DNAJC15: variants seen among roughly 807,000 people sequenced by gnomAD.
DNAJC15 encodes DnaJ heat shock protein family (Hsp40) member C15, also known as dnaJ homolog subfamily C member 15.
A neutral mutation model predicts 22.4 loss-of-function variants in DNAJC15; 27 were observed. The observed-to-expected ratio is 1.20, with a 90% confidence interval of 0.89 to 1.66. DNAJC15 has a LOEUF of 1.66. Ranked by LOEUF, DNAJC15 falls within the 40% of genes most tolerant of loss-of-function variation. The probability of loss-of-function intolerance (pLI) is 0.00; values close to 1 mark genes in which losing one functional copy is unlikely to be tolerated. For synonymous variants in DNAJC15, 79 were observed against 63.2 expected, an observed-to-expected ratio of 1.25 and a Z score of -1.19; for missense variants, 208 against 187.1, an observed-to-expected ratio of 1.11 and a Z score of -0.65.
At chr13:43,052,849 A>G (rs968229258) in intron 1 of DNAJC15, among the ~76,000 whole-genome samples, 9 of 152,192 alleles carry the variant, frequency 5.9e-5, no homozygotes, top group South Asian at 2.1e-4. Context: ...TGGGTTGTTT[A>G]TTCTGCTGAT....
intron 5 of DNAJC15, among the ~76,000 whole-genome samples, chr13:43,096,167 T>C (rs1343132567): frequency 6.6e-6 from 1 of 152,202 alleles, no homozygotes; most frequent in East Asian, 1.9e-4. Flanking sequence ...AAGTCAATTG[T>C]ATAACTGTGG....
intron 5 of DNAJC15, among the ~76,000 whole-genome samples, chr13:43,089,253 C>T (rs955157674): frequency 6.6e-6 from 1 of 152,164 alleles, no homozygotes; most frequent in Admixed American, 6.5e-5. Flanking sequence ...TTATTTAGCA[C>T]CTACTATGTG....
At chr13:43,098,870 A>G (rs1349348722) in intron 5 of DNAJC15, among the ~76,000 whole-genome samples, 3 of 152,140 alleles carry the variant, frequency 2.0e-5, no homozygotes, top group Non-Finnish European at 4.4e-5. Flanking sequence ...TTTGGCTATT[A>G]TGGTCCTTCC....
chr13:43,098,994 A>AT (rs1367321199), intron 5 of DNAJC15, among the ~76,000 whole-genome samples: 2 of 152,156 alleles, frequency 1.3e-5, no homozygotes, highest in African/African-American at 4.8e-5. Flanking sequence ...GAATTTTGCC[A>AT]TTTTAACAGT....
At chr13:43,096,341 A>G (rs1031232891) in intron 5 of DNAJC15, among the ~76,000 whole-genome samples, 9 of 152,192 alleles carry the variant, frequency 5.9e-5, no homozygotes, top group African/African-American at 2.2e-4. Context: ...TATTACTGCA[A>G]TCCTCTATTT....
At chr13:43,091,871 C>T (rs983303871) in intron 5 of DNAJC15, among the ~76,000 whole-genome samples, 1 of 152,056 alleles carries the variant, frequency 6.6e-6, no homozygotes, top group African/African-American at 2.4e-5. Context: ...TGATTGCTAG[C>T]TTAATTCCAT....
At chr13:43,061,632 G>A (rs73473983) in intron 1 of DNAJC15, among the ~76,000 whole-genome samples, 6,444 of 152,274 alleles carry the variant, frequency 0.042, 478 homozygotes, top group African/African-American at 0.15. Flanking sequence ...TTCAAATGGC[G>A]GAAAGCAGTA....
At chr13:43,090,977 T>A (rs1376718826) in intron 5 of DNAJC15, among the ~76,000 whole-genome samples, 1 of 152,070 alleles carries the variant, frequency 6.6e-6, no homozygotes, top group Non-Finnish European at 1.5e-5. Flanking sequence ...GAGATTAGTC[T>A]TATTTCTAGG....
chr13:43,031,324 G>A lies in DNAJC15; in HGVS notation c.108+7590G>A, dbSNP rs186710096. Among the ~76,000 whole-genome samples the A allele has an allele frequency of 1.1e-4, 17 of 152,340 alleles. No homozygotes were observed. In the East Asian group the frequency reaches 3.1e-3, roughly 28 times the overall value. On this transcript the variant is annotated intron_variant, in intron 1 of 5. Transcript: ENST00000379221. ...ACAACTGTAGATAGCTCCAAATGGC[G>A]GGTTAAGGAATGTGTGGACTAAATT...
At chr13:43,091,318 C>T (rs750376233) in intron 5 of DNAJC15, among the ~76,000 whole-genome samples, 13 of 152,114 alleles carry the variant, frequency 8.5e-5, no homozygotes, top group Non-Finnish European at 5.9e-5. Flanking sequence ...GAACTCCTGA[C>T]GTCAGGTGTT....
intron 1 of DNAJC15, among the ~76,000 whole-genome samples, chr13:43,035,997 G>A (rs1015150254): frequency 6.6e-6 from 1 of 152,078 alleles, no homozygotes; most frequent in Non-Finnish European, 1.5e-5. Context: ...AAAGTGCTGG[G>A]ATTACATGTG....
rs546544132 is a variant in DNAJC15 at position 43,083,204 on chromosome 13, G to A, written c.312-2564G>A. ...TTTTTTTGAGACGGAGTCTTGCTCT[G>A]TCACCCAGGCTGGAGTGCAGTGGCG... On this transcript the variant is annotated intron_variant, in intron 4 of 5. Coordinates refer to ENST00000379221, the MANE Select transcript of DNAJC15 (RefSeq NM_013238.3). Among the ~76,000 whole-genome samples the A allele has an allele frequency of 2.0e-5, 3 of 151,834 alleles. No homozygotes were observed. The East Asian group carries it at 5.8e-4, about 29-fold the overall frequency.
intron 4 of DNAJC15, among the ~76,000 whole-genome samples, chr13:43,082,708 T>C (rs2040667608): frequency 6.6e-6 from 1 of 152,122 alleles, no homozygotes; most frequent in African/African-American, 2.4e-5. Flanking sequence ...AGCATTGTAA[T>C]TAATTATCAA....
chr13:43,071,000 A>G (rs1305455062), intron 3 of DNAJC15, among the ~76,000 whole-genome samples: 2 of 152,192 alleles, frequency 1.3e-5, no homozygotes, highest in Admixed American at 1.3e-4. Flanking sequence ...AATGAATTCT[A>G]TTTATATATT....
At chr13:43,101,776 A>C (rs944845122) in intron 5 of DNAJC15, among the ~76,000 whole-genome samples, 1 of 152,056 alleles carries the variant, frequency 6.6e-6, no homozygotes, top group Non-Finnish European at 1.5e-5. Context: ...ATTTCTTTTT[A>C]TGGCTGAGTA....
At chr13:43,059,133 A>G (rs1201362885) in intron 1 of DNAJC15, among the ~76,000 whole-genome samples, 2 of 151,958 alleles carry the variant, frequency 1.3e-5, no homozygotes, top group African/African-American at 4.8e-5. Context: ...AAGTTAGTCC[A>G]GCTTCCTCTC....
chr13:43,112,024 T>G lies in DNAJC15; in HGVS notation c.*4776T>G, dbSNP rs1225881230. 1 of 152,236 alleles carries G rather than the reference T, an allele frequency of 6.6e-6. No homozygotes were observed. Among genetic ancestry groups the G allele is most frequent in the Non-Finnish European group, 1.5e-5 (1 of 68,044 alleles). 9.4% of individuals were successfully genotyped at this position (152,236 alleles called of 1,614,324 possible). On this transcript the variant is annotated 3_prime_UTR_variant, in exon 6 of 6. Coordinates refer to ENST00000379221, the MANE Select transcript of DNAJC15 (RefSeq NM_013238.3). ...CTCATTTTTATAGGTGGAACCTAAG[T>G]GATCTGGATAATTGCCCACCAGCAA...
chr13:43,084,838 A>G (rs2040679601), intron 4 of DNAJC15, among the ~76,000 whole-genome samples: 1 of 152,028 alleles, frequency 6.6e-6, no homozygotes, highest in African/African-American at 2.4e-5. Flanking sequence ...TTTTTTTCAC[A>G]AAGCTAAATA....
At chr13:43,065,797 A>G (rs2040580840) in intron 2 of DNAJC15, 60 bp downstream of exon 2, 3 of 1,486,644 alleles carry the variant, frequency 2.0e-6, no homozygotes, top group Admixed American at 1.7e-5. Flanking sequence ...TAGCATCTAC[A>G]GTGATTCATG....
Sources: allele counts gnomAD v4.1 joint callset (sites outside exome capture counted in the v4.1 genomes callset), GRCh38; gene constraint gnomAD v4.1.1; transcripts MANE v1.5; gene names NCBI Gene and HGNC (gene_info 2026-07-23, HGNC 2026-07-21).